Variants in RNF10 observed in about 807,000 individuals in gnomAD.
RNF10 encodes the protein ring finger protein 10.
In RNF10, 38 loss-of-function variants were observed where a neutral mutation model predicts 91.4. The ratio of observed to expected loss-of-function variants is 0.42; its 90% CI spans 0.32 to 0.54. The LOEUF (loss-of-function observed/expected upper bound fraction) is 0.54. Ranked by LOEUF, RNF10 falls within the 20% of genes least tolerant of loss-of-function variation. The probability of loss-of-function intolerance (pLI) is 0.16; values close to 1 mark genes in which losing one functional copy is unlikely to be tolerated. For missense variants in RNF10, 945 were observed against 1,012.0 expected (o/e 0.93, Z 0.90); for synonymous variants, 364 against 366.3 (o/e 0.99, Z 0.07).
chr12:120,561,032 A>G, intron 7 of RNF10, 146 bp downstream of exon 7: 2 of 855,178 alleles, frequency 2.3e-6, no homozygotes, highest in Admixed American at 2.9e-5. Context: ...ATTTAAGACA[A>G]TAAGCAGAGA....
Position 120,575,671 on chromosome 12 carries a change from A to G in RNF10, c.2183A>G (p.Lys728Arg). The change falls in exon 15 of 17, where the codon AAA (lysine) becomes AGA (arginine). Residue 728 changes from lysine (K) to arginine (R), a missense_variant. Physicochemically the swap from Lys to Arg is conservative, Grantham distance 26 (BLOSUM62 2). Coordinates refer to ENST00000325954, the MANE Select transcript of RNF10 (RefSeq NM_014868.5). ...AAAGCAAAAGCAGATGTGTGGCCCAAAACTGCTCCAAAGAAAGGTGAGGAT... is the reference window on the plus strand; with the variant it reads ...AAAGCAAAAGCAGATGTGTGGCCCAGAACTGCTCCAAAGAAAGGTGAGGAT... ...VGKAKADVWP[K>R]TAPKKDENSL... 3.1e-6 allele frequency: 5 copies of G among 1,614,222 alleles called. No individual in the cohort carries two copies. The highest frequency in any genetic ancestry group is 4.2e-6 in the Non-Finnish European group (5 of 1,180,040).
chr12:120,577,081 G>A lies in RNF10; in HGVS notation c.*415G>A. 1 of 417,638 alleles carries A rather than the reference G, an allele frequency of 2.4e-6. No homozygotes were observed. The highest frequency in any genetic ancestry group is 4.7e-6 in the Non-Finnish European group (1 of 211,150). 25.9% of individuals were successfully genotyped at this position (417,638 alleles called of 1,614,324 possible). A position where few individuals can be genotyped will look rare whatever the true frequency, so the allele number is the denominator to read the frequency against. On this transcript the variant is annotated 3_prime_UTR_variant, in exon 17 of 17. Coordinates refer to ENST00000325954, the MANE Select transcript of RNF10 (RefSeq NM_014868.5). Reference sequence around the variant, plus strand: ...CTGGACTCAGTACACCTCTCAGTTTGTCTTTTAAAAAACAGCTGAATCTTT... The same window carrying A: ...CTGGACTCAGTACACCTCTCAGTTTATCTTTTAAAAAACAGCTGAATCTTT...
intron 1 of RNF10, among the ~76,000 whole-genome samples, chr12:120,541,856 G>T (rs913130156): frequency 2.6e-5 from 4 of 151,496 alleles, no homozygotes; most frequent in Admixed American, 6.6e-5. Context: ...GAACCACTGT[G>T]CCTGGTTTAT....
chr12:120,557,570 G>A lies in RNF10; in HGVS notation c.855G>A (p.Gln285=), dbSNP rs2137203163. The change falls in exon 6 of 17, where the codon CAG becomes CAA. Residue 285 remains glutamine (Q), a synonymous_variant. Transcript: ENST00000325954. ...LKSVVATESH[Q]YVVGDTITMQ... Reference sequence around the variant, plus strand: ...GTGTTGTTGCCACAGAGTCACATCAGTATGTTGTTGGTGATACCATTACGA... The same window carrying A: ...GTGTTGTTGCCACAGAGTCACATCAATATGTTGTTGGTGATACCATTACGA... 1 of 1,614,208 alleles carries A rather than the reference G, an allele frequency of 6.2e-7. No individual in the cohort carries two copies.
chr12:120,555,891 C>G (rs759865796), intron 4 of RNF10, among the ~76,000 whole-genome samples: 1 of 151,804 alleles, frequency 6.6e-6, no homozygotes, highest in Non-Finnish European at 1.5e-5. Flanking sequence ...TGGGTTCAAG[C>G]AATTCTCATG....
At chr12:120,576,456 G>A (rs375850249) in intron 16 of RNF10, 134 bp from the exon 17 acceptor site, 3 of 1,347,236 alleles carry the variant, frequency 2.2e-6, no homozygotes, top group African/African-American at 1.5e-5. Flanking sequence ...ACCAAGACTG[G>A]TATTGGCATC....
At chr12:120,563,663 T>C in intron 9 of RNF10, 40 bp downstream of exon 9, 2 of 1,571,712 alleles carry the variant, frequency 1.3e-6, no homozygotes. Context: ...GCCGCAGAGG[T>C]GTTTCAGAGG....
chr12:120,567,700 CAA>C (rs34775380), intron 13 of RNF10, among the ~76,000 whole-genome samples: 40,320 of 119,416 alleles, frequency 0.34, 5,640 homozygotes, highest in East Asian at 0.54. Flanking sequence ...GACTTTGTCT[CAA>C]AAAAAAAAAA....
chr12:120,565,955 T>C (rs879510958), intron 12 of RNF10, among the ~76,000 whole-genome samples: 1 of 152,170 alleles, frequency 6.6e-6, no homozygotes. Context: ...GGAAGTTGGA[T>C]TTAAGAGATC....
intron 2 of RNF10, among the ~76,000 whole-genome samples, chr12:120,549,396 C>T (rs112635551): frequency 2.8e-4 from 42 of 152,110 alleles, no homozygotes; most frequent in African/African-American, 9.2e-4. Flanking sequence ...ATTTGTTAGC[C>T]CTGTTTGTCT....
chr12:120,567,860 GGTGT>G (rs145039001), intron 13 of RNF10, among the ~76,000 whole-genome samples: 12 of 80,440 alleles, frequency 1.5e-4, no homozygotes, highest in Non-Finnish European at 3.1e-4. Flanking sequence ...TTTCATTATG[GGTGT>G]GTGTGTGTGT....
At chr12:120,551,735 G>A (rs1178509364) in intron 2 of RNF10, among the ~76,000 whole-genome samples, 2 of 152,140 alleles carry the variant, frequency 1.3e-5, no homozygotes, top group Non-Finnish European at 2.9e-5. Context: ...CTGGGCTCAA[G>A]TGCCCCTCTT....
At chr12:120,560,174 A>G (rs1459927347) in intron 6 of RNF10, among the ~76,000 whole-genome samples, 9 of 139,788 alleles carry the variant, frequency 6.4e-5, no homozygotes, top group African/African-American at 2.4e-4. Flanking sequence ...TTTTTGAGAC[A>G]GAGTTTCGCT....
chr12:120,536,371 G>A (rs1221348025), intron 1 of RNF10, among the ~76,000 whole-genome samples: 1 of 152,178 alleles, frequency 6.6e-6, no homozygotes, highest in Admixed American at 6.5e-5. Flanking sequence ...GCTGCGGTGA[G>A]CTATATCACG....
chr12:120,552,721 G>T (rs1873300076), intron 3 of RNF10, 23 bp downstream of exon 3: 2 of 1,606,100 alleles, frequency 1.2e-6, no homozygotes, highest in African/African-American at 1.3e-5. Flanking sequence ...ACCCCTCAGA[G>T]GAAAGGGAAA....
At chr12:120,560,655 A>C in intron 6 of RNF10, 71 bp from the exon 7 acceptor site, 2 of 1,471,048 alleles carry the variant, frequency 1.4e-6, no homozygotes, top group South Asian at 1.3e-5. Flanking sequence ...TGTATTTGAA[A>C]ATTCCTATTT....
chr12:120,559,639 TC>T (rs1874543175), intron 6 of RNF10, among the ~76,000 whole-genome samples: 1 of 152,068 alleles, frequency 6.6e-6, no homozygotes, highest in African/African-American at 2.4e-5. Context: ...TACCTCAGCC[TC>T]CCAAAGTGCT....
At chr12:120,565,359 C>T (rs909559059) in intron 11 of RNF10, 69 bp from the exon 12 acceptor site, 4 of 1,448,080 alleles carry the variant, frequency 2.8e-6, no homozygotes, top group Non-Finnish European at 3.9e-6. Flanking sequence ...GGTTTAGCTG[C>T]TAATACTGGG....
intron 4 of RNF10, among the ~76,000 whole-genome samples, 154 bp from the exon 5 acceptor site, chr12:120,557,128 C>T (rs770294777): frequency 2.0e-5 from 3 of 150,742 alleles, no homozygotes; most frequent in African/African-American, 7.3e-5. Flanking sequence ...CATGTACCTA[C>T]GTTGTAAACA....
Sources: allele counts gnomAD v4.1 joint callset (sites outside exome capture counted in the v4.1 genomes callset), GRCh38; gene constraint gnomAD v4.1.1; transcripts MANE v1.5; gene names NCBI Gene and HGNC (gene_info 2026-07-23, HGNC 2026-07-21).